CNTN4: variants seen among roughly 807,000 people sequenced by gnomAD.
CNTN4 encodes the protein contactin 4, also known as contactin-4.
CNTN4 carries 77 observed loss-of-function variants against 122.5 expected under a neutral mutation model. The ratio of observed to expected loss-of-function variants is 0.63; its 90% CI spans 0.52 to 0.76. CNTN4 has a LOEUF of 0.76. CNTN4 is among the 30% of genes least tolerant of loss of function. CNTN4 has a pLI of 0.00. For synonymous variants in CNTN4, 512 were observed against 447.0 expected, an observed-to-expected ratio of 1.15 and a Z score of -1.83; for missense variants, 1,256 against 1,259.1, an observed-to-expected ratio of 1.00 and a Z score of 0.04.
chr3:2,708,385 A>G (rs960005613), intron 4 of CNTN4, among the ~76,000 whole-genome samples: 5 of 152,198 alleles, frequency 3.3e-5, no homozygotes, highest in Non-Finnish European at 7.4e-5. Context: ...ACCACAAGAA[A>G]TGATTATAAT....
intron 4 of CNTN4, among the ~76,000 whole-genome samples, chr3:2,658,622 A>G (rs2083710433): frequency 6.6e-6 from 1 of 152,194 alleles, no homozygotes; most frequent in African/African-American, 2.4e-5. Flanking sequence ...TTAAATACCC[A>G]AACCATGAGC....
chr3:2,152,379 G>T (rs556915960), intron 2 of CNTN4, among the ~76,000 whole-genome samples: 1 of 152,132 alleles, frequency 6.6e-6, no homozygotes, highest in East Asian at 1.9e-4. Context: ...TGATTGAAAC[G>T]AGGTGCCGTC....
chr3:2,994,221 T>C (rs1376859006), intron 14 of CNTN4, among the ~76,000 whole-genome samples: 2 of 146,754 alleles, frequency 1.4e-5, no homozygotes, highest in Non-Finnish European at 1.5e-5. Context: ...CTTCCTCTAA[T>C]AGCAATTTTT....
chr3:2,729,298 C>G (rs147954576), intron 4 of CNTN4, among the ~76,000 whole-genome samples: 10 of 152,170 alleles, frequency 6.6e-5, no homozygotes, highest in Non-Finnish European at 1.2e-4. Context: ...GGCGCGGTGG[C>G]TCACGCCTGT....
intron 2 of CNTN4, among the ~76,000 whole-genome samples, chr3:2,175,411 A>G (rs1025657991): frequency 3.3e-5 from 5 of 152,238 alleles, no homozygotes; most frequent in Non-Finnish European, 5.9e-5. Context: ...AAAAAGTCTG[A>G]GAAATTCTGT....
chr3:2,115,935 G>T (rs1337269050), intron 2 of CNTN4, among the ~76,000 whole-genome samples: 1 of 152,156 alleles, frequency 6.6e-6, no homozygotes, highest in Non-Finnish European at 1.5e-5. Context: ...TTTGTGCCTA[G>T]CCTGTAAACT....
chr3:2,120,405 A>ATATAT (rs1428527983), intron 2 of CNTN4, among the ~76,000 whole-genome samples: 32 of 40,850 alleles, frequency 7.8e-4, no homozygotes, highest in East Asian at 1.5e-3. Context: ...ATATATATAT[A>ATATAT]TTTTTTTTTT....
At chr3:3,039,687 A>G (rs1699961966) in intron 19 of CNTN4, 1 of 274,450 alleles carries the variant, frequency 3.6e-6, no homozygotes, top group Non-Finnish European at 7.1e-6. Context: ...TTGGCAATGG[A>G]AGAAGATTAG....
At chr3:2,304,526 T>C (rs886621747) in intron 2 of CNTN4, among the ~76,000 whole-genome samples, 2 of 152,108 alleles carry the variant, frequency 1.3e-5, no homozygotes, top group Non-Finnish European at 2.9e-5. Flanking sequence ...AGGGGTGTTA[T>C]ATCACTTATG....
intron 2 of CNTN4, among the ~76,000 whole-genome samples, chr3:2,147,447 A>G (rs907135379): frequency 2.0e-5 from 3 of 152,204 alleles, no homozygotes; most frequent in Non-Finnish European, 2.9e-5. Context: ...ACCAGAAGCT[A>G]GGGGCTCGTT....
At chr3:2,268,125 A>G (rs888452088) in intron 2 of CNTN4, among the ~76,000 whole-genome samples, 2 of 152,136 alleles carry the variant, frequency 1.3e-5, no homozygotes, top group Admixed American at 1.3e-4. Flanking sequence ...ATACTTTGCT[A>G]GGCATTGTAG....
At chr3:2,628,035 TGA>T (rs1475239945) in intron 4 of CNTN4, among the ~76,000 whole-genome samples, 2 of 152,198 alleles carry the variant, frequency 1.3e-5, no homozygotes, top group African/African-American at 2.4e-5. Flanking sequence ...TAGTATAATT[TGA>T]GAGGTGGCTG....
At chr3:2,530,456 G>A (rs949895479) in intron 3 of CNTN4, among the ~76,000 whole-genome samples, 17 of 151,568 alleles carry the variant, frequency 1.1e-4, no homozygotes, top group African/African-American at 4.1e-4. Context: ...TTACAGATGC[G>A]CGCCACCATG....
At chr3:2,111,098 C>G (rs1227172142) in intron 2 of CNTN4, among the ~76,000 whole-genome samples, 1 of 152,148 alleles carries the variant, frequency 6.6e-6, no homozygotes, top group Non-Finnish European at 1.5e-5. Flanking sequence ...TTACTAGAGT[C>G]TAACTCAAAA....
intron 8 of CNTN4, among the ~76,000 whole-genome samples, chr3:2,867,615 T>C (rs547803322): frequency 2.0e-5 from 3 of 152,202 alleles, no homozygotes; most frequent in African/African-American, 7.2e-5. Context: ...CTTGAAATGC[T>C]CCTCCTTTCC....
intron 23 of CNTN4, among the ~76,000 whole-genome samples, chr3:3,045,554 C>T (rs1035559154): frequency 2.0e-5 from 3 of 152,240 alleles, no homozygotes; most frequent in Non-Finnish European, 2.9e-5. Flanking sequence ...TCCAGCAGAC[C>T]TGCAGCTGAG....
At chr3:2,227,100 A>G (rs908771095) in intron 2 of CNTN4, among the ~76,000 whole-genome samples, 1 of 152,058 alleles carries the variant, frequency 6.6e-6, no homozygotes, top group African/African-American at 2.4e-5. Flanking sequence ...GTATTTATTT[A>G]TTTGCAGATA....
At chr3:2,605,426 CTT>C (rs67183019) in intron 4 of CNTN4, among the ~76,000 whole-genome samples, 1,736 of 152,170 alleles carry the variant, frequency 0.011, 31 homozygotes, top group African/African-American at 0.04. Context: ...AAGGTAAAGA[CTT>C]TGGATTTTTT....
At chr3:2,879,191 GAC>G (rs1356914536) in intron 8 of CNTN4, among the ~76,000 whole-genome samples, 5 of 152,304 alleles carry the variant, frequency 3.3e-5, no homozygotes, top group African/African-American at 1.2e-4. Flanking sequence ...ACAATGGGAA[GAC>G]ACACATACAC....
Sources: gnomAD v4.1 joint callset for allele counts (sites outside exome capture counted in the v4.1 genomes callset) on GRCh38, gnomAD v4.1.1 for gene constraint, MANE v1.5 for transcripts, NCBI Gene and HGNC (gene_info 2026-07-23, HGNC 2026-07-21) for gene names.